The following SCYGR5 variants were observed in gnomAD, a reference collection of about 807,000 sequenced individuals.
The protein encoded by SCYGR5 is small cysteine and glycine repeat-containing protein 5.
chr2:227,666,916 GC>G lies in SCYGR5; in HGVS notation c.117del (p.Cys40AlafsTer14), dbSNP rs1240223379. 1 of 399,058 alleles carries G rather than the reference GC, an allele frequency of 2.5e-6. No homozygotes were observed. Among genetic ancestry groups the G allele is most frequent in the Admixed American group, 4.4e-5 (1 of 22,724 alleles). The allele number at this position is 399,058 out of a possible 1,614,324, so 24.7% of individuals were successfully genotyped here. A position where few individuals can be genotyped will look rare whatever the true frequency, so the allele number is the denominator to read the frequency against. On this transcript the variant is annotated frameshift_variant, in exon 1 of 1. Coordinates refer to ENST00000641976, the Ensembl canonical transcript of SCYGR5. LOFTEE classifies it high-confidence loss of function. ...CGGGTGGGCTGCTGCTCCAGCTGCT[GC>G]CCCTGCTGCCGCGGCTGCTGTGGGG...
chr2:227,666,988 G>A (rs1159696881), exon 1 of SCYGR5: 2 of 399,082 alleles, frequency 5.0e-6, no homozygotes, highest in African/African-American at 4.1e-5. Context: ...CGCACCTGCT[G>A]CTCATGTGGC....
exon 1 of SCYGR5, chr2:227,666,992 A>G (rs1021710394): frequency 7.5e-6 from 3 of 399,004 alleles, no homozygotes; most frequent in Non-Finnish European, 1.3e-5. Flanking sequence ...CCTGCTGCTC[A>G]TGTGGCTGCG....
chr2:227,667,035 T>C, exon 1 of SCYGR5: 1 of 399,316 alleles, frequency 2.5e-6, no homozygotes, highest in Non-Finnish European at 4.4e-6. Context: ...GCAGAAAGGC[T>C]GCTGCCAGAA....
chr2:227,666,987 T>A (rs146207758), exon 1 of SCYGR5: 35 of 399,002 alleles, frequency 8.8e-5, no homozygotes, highest in Non-Finnish European at 1.3e-4. Context: ...CCGCACCTGC[T>A]GCTCATGTGG....
At chr2:227,666,869 C>T in exon 1 of SCYGR5, 2 of 400,722 alleles carry the variant, frequency 5.0e-6, no homozygotes, top group East Asian at 3.6e-5. Flanking sequence ...GCTGTGGCAG[C>T]TGCACCACCT....
Position 227,666,987 on chromosome 2 carries a change from T to C in SCYGR5, c.184T>C (p.Cys62Arg), listed in dbSNP as rs146207758. ...GATCTGCTGCTGCCGCCGCACCTGCTGCTCATGTGGCTGCGGCTGTGGGAA... is the reference window on the plus strand; with the variant it reads ...GATCTGCTGCTGCCGCCGCACCTGCCGCTCATGTGGCTGCGGCTGTGGGAA... The change falls in exon 1 of 1, where the codon TGC becomes CGC. Residue 62 changes from cysteine to arginine, a missense_variant. Cys to Arg is a radical substitution (Grantham distance 180). Coordinates refer to ENST00000641976, the Ensembl canonical transcript of SCYGR5. The C allele has an allele frequency of 4.1e-3, 1,618 of 399,002 alleles. 25 individuals are homozygous for C. The highest frequency in any genetic ancestry group is 0.028 in the African/African-American group (1,376 of 48,744). The allele number at this position is 399,002 out of a possible 1,614,324, so 24.7% of individuals were successfully genotyped here. A position where few individuals can be genotyped will look rare whatever the true frequency, so the allele number is the denominator to read the frequency against.
chr2:227,666,942 G>A (rs932722817), exon 1 of SCYGR5: 6 of 394,894 alleles, frequency 1.5e-5, no homozygotes, highest in African/African-American at 1.2e-4. Flanking sequence ...CTGCTGTGGG[G>A]GCTGCTGCAG....
exon 1 of SCYGR5, chr2:227,666,810 T>G (rs1024964950): frequency 1.5e-5 from 6 of 394,540 alleles, no homozygotes; most frequent in East Asian, 1.1e-4. Flanking sequence ...CACCATGGGT[T>G]GCTGTGGTTG....
chr2:227,666,845 C>CTGCGGTGGT (rs1559234261), exon 1 of SCYGR5: 24 of 398,946 alleles, frequency 6.0e-5, no homozygotes, highest in African/African-American at 1.9e-4. Flanking sequence ...GCTGCGGTGG[C>CTGCGGTGGT]GGCTGTGGTG....
chr2:227,667,014 G>C, exon 1 of SCYGR5: 1 of 399,272 alleles, frequency 2.5e-6, no homozygotes, highest in Non-Finnish European at 4.4e-6. Flanking sequence ...CTGTGGGAAG[G>C]GCTGTTGCCA....
chr2:227,666,828 T>TGTGGTGGCTGCGGTGGCGGCTGTG (rs1694712184), exon 1 of SCYGR5: 1 of 399,706 alleles, frequency 2.5e-6, no homozygotes, highest in Non-Finnish European at 4.4e-6. Flanking sequence ...TTGTGGAGGT[T>TGTGGTGGCTGCGGTGGCGGCTGTG]GTGGTGGCTG....
At chr2:227,666,835 G>C (rs1405027934) in exon 1 of SCYGR5, 2 of 400,270 alleles carry the variant, frequency 5.0e-6, no homozygotes, top group African/African-American at 2.1e-5. Context: ...GGTTGTGGTG[G>C]CTGCGGTGGC....
exon 1 of SCYGR5, chr2:227,666,898 G>C (rs931742432): frequency 5.0e-6 from 2 of 399,358 alleles, no homozygotes; most frequent in African/African-American, 4.1e-5. Context: ...TACCGGGTGG[G>C]CTGCTGCTCC....
chr2:227,667,060 A>G (rs748463000), exon 1 of SCYGR5: 38 of 399,084 alleles, frequency 9.5e-5, no homozygotes, highest in South Asian at 1.3e-4. Context: ...TGCTGCTGCT[A>G]GGCGGCCGGC....
At chr2:227,666,816 G>T in exon 1 of SCYGR5, 1 of 400,088 alleles carries the variant, frequency 2.5e-6, no homozygotes, top group Non-Finnish European at 4.4e-6. Flanking sequence ...GGGTTGCTGT[G>T]GTTGTGGAGG....
At chr2:227,667,051 G>A (rs906139108) in exon 1 of SCYGR5, 7 of 399,068 alleles carry the variant, frequency 1.8e-5, no homozygotes, top group Non-Finnish European at 3.1e-5. Flanking sequence ...CAGAAGCAAT[G>A]CTGCTGCTAG....
exon 1 of SCYGR5, chr2:227,667,034 C>A (rs1311244595): frequency 1.3e-5 from 5 of 399,176 alleles, no homozygotes; most frequent in Admixed American, 8.8e-5. Context: ...AGCAGAAAGG[C>A]TGCTGCCAGA....
chr2:227,666,946 G>A (rs986833981), exon 1 of SCYGR5: 4 of 394,938 alleles, frequency 1.0e-5, no homozygotes, highest in Non-Finnish European at 1.8e-5. Flanking sequence ...TGTGGGGGCT[G>A]CTGCAGCACA....
exon 1 of SCYGR5, chr2:227,666,805 T>C: frequency 2.5e-6 from 1 of 395,698 alleles, no homozygotes; most frequent in Non-Finnish European, 4.4e-6. Context: ...ACTGACACCA[T>C]GGGTTGCTGT....
Sources: allele counts gnomAD v4.1 joint callset, GRCh38; gene constraint gnomAD v4.1.1; transcripts MANE v1.5; gene names NCBI Gene and HGNC (gene_info 2026-07-23, HGNC 2026-07-21).